The following FAM13C variants were observed in gnomAD, a reference collection of about 807,000 sequenced individuals.
FAM13C encodes the protein family with sequence similarity 13 member C, also known as protein FAM13C.
FAM13C carries 37 observed loss-of-function variants against 73.2 expected under a neutral mutation model. That is an observed-to-expected ratio of 0.51 (90% CI 0.39 to 0.67). The LOEUF (loss-of-function observed/expected upper bound fraction) is 0.67, where lower values mean the gene tolerates loss of function less well. Ranked by LOEUF, FAM13C falls within the 30% of genes least tolerant of loss-of-function variation. FAM13C has a pLI of 0.00. For synonymous variants in FAM13C, 246 were observed against 260.9 expected (o/e 0.94, Z 0.55); for missense variants, 589 against 715.6 (o/e 0.82, Z 2.02).
At chr10:59,253,074 G>T in intron 11 of FAM13C, 76 bp from the exon 12 acceptor site, 1 of 1,448,022 alleles carries the variant, frequency 6.9e-7, no homozygotes, top group Non-Finnish European at 9.7e-7. Context: ...ACAGGAAGGG[G>T]AACTATAAAT....
intron 5 of FAM13C, among the ~76,000 whole-genome samples, chr10:59,295,674 TG>T (rs1846831379): frequency 6.6e-6 from 1 of 152,154 alleles, no homozygotes; most frequent in Non-Finnish European, 1.5e-5. Flanking sequence ...AATAAATAAA[TG>T]TTTAAAGCCA....
Position 59,251,821 on chromosome 10 carries a change from A to T in FAM13C, c.1533-145T>A, listed in dbSNP as rs141723975. On this transcript the variant is annotated intron_variant, in intron 12 of 13. Coordinates refer to ENST00000618804, the MANE Select transcript of FAM13C (RefSeq NM_198215.4). ...AGTATCTTTTGAGTAAATATGACAC[A>T]CATAGAGCCTGACCATAGGCAAGCA... 2.3e-5 allele frequency: 14 copies of T among 606,216 alleles called. No individual in the cohort carries two copies. The East Asian group carries it at 4.0e-4, about 17-fold the overall frequency. 37.6% of individuals were successfully genotyped at this position (606,216 alleles called of 1,614,324 possible).
intron 4 of FAM13C, among the ~76,000 whole-genome samples, chr10:59,323,645 T>A (rs988039170): frequency 1.3e-5 from 2 of 152,116 alleles, no homozygotes; most frequent in Non-Finnish European, 2.9e-5. Context: ...CATCACAAAT[T>A]TATCACTATC....
chr10:59,258,155 G>A (rs1323503866), intron 10 of FAM13C, among the ~76,000 whole-genome samples: 1 of 152,148 alleles, frequency 6.6e-6, no homozygotes, highest in African/African-American at 2.4e-5. Context: ...TAATTGTATA[G>A]ACTGCTCCCT....
chr10:59,251,226 A>G (rs1841341972), intron 13 of FAM13C: 1 of 350,618 alleles, frequency 2.9e-6, no homozygotes, highest in Non-Finnish European at 5.1e-6. Context: ...GAACTAAGAA[A>G]CCAACAACAA....
intron 5 of FAM13C, chr10:59,301,047 G>A (rs1198261357): frequency 6.6e-6 from 1 of 152,212 alleles, no homozygotes; most frequent in African/African-American, 2.4e-5. Context: ...AGAGTTTGGT[G>A]TTCAATAAGT....
chr10:59,248,801 A>G (rs537520180), intron 13 of FAM13C, among the ~76,000 whole-genome samples: 2 of 152,348 alleles, frequency 1.3e-5, no homozygotes, highest in Non-Finnish European at 2.9e-5. Flanking sequence ...AAGCTAATCT[A>G]TACAAATTAA....
intron 5 of FAM13C, among the ~76,000 whole-genome samples, chr10:59,286,859 C>G (rs1363131322): frequency 6.7e-6 from 1 of 149,968 alleles, no homozygotes; most frequent in Non-Finnish European, 1.5e-5. Flanking sequence ...ATGGTGAAAC[C>G]CTATTTCTAC....
chr10:59,254,534 A>G, intron 10 of FAM13C, 91 bp from the exon 11 acceptor site: 1 of 536,614 alleles, frequency 1.9e-6, no homozygotes, highest in Non-Finnish European at 3.2e-6. Context: ...AAAGTAAAGG[A>G]TTATAATACT....
intron 5 of FAM13C, among the ~76,000 whole-genome samples, chr10:59,302,042 TTC>T (rs1458872984): frequency 1.3e-5 from 2 of 152,010 alleles, no homozygotes; most frequent in East Asian, 3.9e-4. Context: ...GCCCCATCAT[TTC>T]TCTTTTTGGC....
intron 10 of FAM13C, among the ~76,000 whole-genome samples, chr10:59,259,771 A>G (rs1432912644): frequency 6.6e-6 from 1 of 152,164 alleles, no homozygotes; most frequent in Non-Finnish European, 1.5e-5. Flanking sequence ...ACTTCCACGC[A>G]TGAGGAGATT....
At chr10:59,290,843 G>A (rs1846140593) in intron 5 of FAM13C, among the ~76,000 whole-genome samples, 1 of 152,164 alleles carries the variant, frequency 6.6e-6, no homozygotes, top group Non-Finnish European at 1.5e-5. Context: ...TTGTCTTTCT[G>A]GGTCCTTTAG....
At chr10:59,304,817 AG>A (rs1443502484) in intron 4 of FAM13C, among the ~76,000 whole-genome samples, 280 of 36,964 alleles carry the variant, frequency 7.6e-3, no homozygotes, top group South Asian at 0.015. Context: ...AGGGAAGGAA[AG>A]GGGAAGGGGA....
At chr10:59,283,560 C>A in intron 5 of FAM13C, 113 bp from the exon 6 acceptor site, 2 of 1,027,980 alleles carry the variant, frequency 1.9e-6, no homozygotes, top group Non-Finnish European at 3.1e-6. Context: ...GCCTAACACA[C>A]AACAGTGTGT....
At chr10:59,340,638 C>T (rs1017537074) in intron 3 of FAM13C, among the ~76,000 whole-genome samples, 3 of 151,912 alleles carry the variant, frequency 2.0e-5, no homozygotes, top group African/African-American at 7.3e-5. Flanking sequence ...GGGTTTGGTA[C>T]TTTTTTTCTC....
intron 4 of FAM13C, among the ~76,000 whole-genome samples, chr10:59,315,309 T>C (rs1387533516): frequency 2.0e-5 from 3 of 152,194 alleles, no homozygotes; most frequent in Non-Finnish European, 4.4e-5. Flanking sequence ...TAAATAATTA[T>C]ATATTAAGCA....
At chr10:59,286,263 C>T (rs1052450936) in intron 5 of FAM13C, among the ~76,000 whole-genome samples, 3 of 152,064 alleles carry the variant, frequency 2.0e-5, no homozygotes, top group Non-Finnish European at 4.4e-5. Context: ...CCTGTAAATC[C>T]CAGCACTTTG....
chr10:59,263,569 T>G (rs1842730181), intron 9 of FAM13C, among the ~76,000 whole-genome samples: 1 of 152,196 alleles, frequency 6.6e-6, no homozygotes, highest in Non-Finnish European at 1.5e-5. Flanking sequence ...TAGTCTATTT[T>G]AAATGGATTT....
intron 3 of FAM13C, among the ~76,000 whole-genome samples, chr10:59,348,926 GC>G (rs2134236788): frequency 6.6e-6 from 1 of 152,278 alleles, no homozygotes; most frequent in East Asian, 1.9e-4. Context: ...GAGCCACAAT[GC>G]CCAGCTGAAT....
Sources: allele counts gnomAD v4.1 joint callset (sites outside exome capture counted in the v4.1 genomes callset), GRCh38; gene constraint gnomAD v4.1.1; transcripts MANE v1.5; gene names NCBI Gene and HGNC (gene_info 2026-07-23, HGNC 2026-07-21).